Variants in ARHGEF28 observed in about 807,000 individuals in gnomAD.
The protein encoded by ARHGEF28 is Rho guanine nucleotide exchange factor 28, also known as 190 kDa guanine nucleotide exchange factor.
Under a neutral mutation model 206.6 loss-of-function variants are expected in ARHGEF28, and 152 were observed. That is an observed-to-expected ratio of 0.74 (90% CI 0.64 to 0.84). The LOEUF is 0.84. Ranked by LOEUF, ARHGEF28 falls within the 40% of genes least tolerant of loss-of-function variation. ARHGEF28 has a pLI of 0.00. For missense variants in ARHGEF28, 2,028 were observed against 2,073.2 expected (o/e 0.98, Z 0.42); for synonymous variants, 763 against 776.4 (o/e 0.98, Z 0.29).
intron 2 of ARHGEF28, among the ~76,000 whole-genome samples, chr5:73,690,317 A>G (rs1747733742): frequency 6.6e-6 from 1 of 152,030 alleles, no homozygotes. Context: ...AGTTTTCTCT[A>G]CATTTTGTAA....
At chr5:73,815,955 T>A (rs1030111287) in intron 9 of ARHGEF28, among the ~76,000 whole-genome samples, 2 of 152,170 alleles carry the variant, frequency 1.3e-5, no homozygotes, top group African/African-American at 4.8e-5. Flanking sequence ...ATCATGGTGA[T>A]TTAGTTATGA....
chr5:73,926,214 A>G (rs1763793144), intron 35 of ARHGEF28, among the ~76,000 whole-genome samples: 1 of 152,220 alleles, frequency 6.6e-6, no homozygotes, highest in South Asian at 2.1e-4. Context: ...AACTGAGAAA[A>G]AATGAATGCT....
chr5:73,648,640 T>C (rs1024943107), intron 1 of ARHGEF28, among the ~76,000 whole-genome samples: 1 of 152,354 alleles, frequency 6.6e-6, no homozygotes, highest in East Asian at 1.9e-4. Flanking sequence ...GTCTCTCACA[T>C]GCCTGGCCTT....
At chr5:73,711,743 C>G (rs547267884) in intron 2 of ARHGEF28, among the ~76,000 whole-genome samples, 9 of 151,898 alleles carry the variant, frequency 5.9e-5, no homozygotes, top group Non-Finnish European at 1.0e-4. Flanking sequence ...AGATGATAAT[C>G]TCTGTATTTT....
At chr5:73,748,017 T>C (rs1751824359) in intron 2 of ARHGEF28, among the ~76,000 whole-genome samples, 1 of 152,190 alleles carries the variant, frequency 6.6e-6, no homozygotes, top group Admixed American at 6.5e-5. Flanking sequence ...TTTATATAAT[T>C]TGTTTTTTTA....
intron 1 of ARHGEF28, among the ~76,000 whole-genome samples, chr5:73,669,254 T>C (rs936003073): frequency 6.6e-6 from 1 of 152,188 alleles, no homozygotes; most frequent in Non-Finnish European, 1.5e-5. Context: ...AGCAAACTCA[T>C]TGGAAAATGT....
At chr5:73,645,908 G>A (rs1419099219) in intron 1 of ARHGEF28, among the ~76,000 whole-genome samples, 5 of 151,818 alleles carry the variant, frequency 3.3e-5, no homozygotes, top group African/African-American at 1.2e-4. Flanking sequence ...TCTGTGGTCA[G>A]TGGGTAACTA....
chr5:73,671,021 G>C (rs1427211830), intron 1 of ARHGEF28, among the ~76,000 whole-genome samples: 1 of 151,944 alleles, frequency 6.6e-6, no homozygotes, highest in Non-Finnish European at 1.5e-5. Flanking sequence ...ACGGGCCCTT[G>C]AGAATCCGAT....
In ARHGEF28 at chr5:73,750,001, G is replaced by A. The variant is rs1561377328; in HGVS notation, c.181+17G>A. The A allele has an allele frequency of 6.2e-7, 1 of 1,611,402 alleles. No homozygotes were observed. The highest frequency in any genetic ancestry group is 2.2e-5 in the East Asian group (1 of 44,832). ...GCGTCCCAGGTGAGGTGTCCTCTTT[G>A]TTGTGCAGCTGGGAAATTAGTCTGC... On this transcript the variant is annotated intron_variant, in intron 3 of 35. Coordinates refer to ENST00000513042, the MANE Select transcript of ARHGEF28 (RefSeq NM_001177693.2).
At chr5:73,845,066 G>A (rs984917677) in intron 11 of ARHGEF28, among the ~76,000 whole-genome samples, 4 of 135,608 alleles carry the variant, frequency 2.9e-5, no homozygotes, top group African/African-American at 1.1e-4. Flanking sequence ...TGCCCAGGCT[G>A]GAGTGCAGTG....
chr5:73,772,655 G>C (rs2112444932), intron 4 of ARHGEF28, among the ~76,000 whole-genome samples: 1 of 152,318 alleles, frequency 6.6e-6, no homozygotes, highest in South Asian at 2.1e-4. Context: ...CTGGGATTAA[G>C]GCATTAGCCA....
chr5:73,913,864 T>C (rs1763056887), intron 35 of ARHGEF28, among the ~76,000 whole-genome samples: 1 of 152,236 alleles, frequency 6.6e-6, no homozygotes, highest in Non-Finnish European at 1.5e-5. Flanking sequence ...CACTCTTTCA[T>C]TGTTAGGCCA....
At chr5:73,789,166 C>CCTAT in intron 7 of ARHGEF28, among the ~76,000 whole-genome samples, 1 of 152,110 alleles carries the variant, frequency 6.6e-6, no homozygotes, top group East Asian at 1.9e-4. Context: ...GTAGATACCT[C>CCTAT]CTATCTATCT....
intron 27 of ARHGEF28, among the ~76,000 whole-genome samples, chr5:73,892,473 C>T (rs1412081648): frequency 6.6e-6 from 1 of 152,222 alleles, no homozygotes. Context: ...CGGGCCTCCC[C>T]TCCTCCATGA....
intron 29 of ARHGEF28, among the ~76,000 whole-genome samples, chr5:73,897,746 A>G (rs1762037264): frequency 1.3e-5 from 2 of 152,240 alleles, no homozygotes; most frequent in African/African-American, 4.8e-5. Context: ...TGGGTTTTGT[A>G]AATCACACAG....
At chr5:73,923,215 C>T in intron 35 of ARHGEF28, 1 of 1,466,220 alleles carries the variant, frequency 6.8e-7, no homozygotes, top group Non-Finnish European at 9.1e-7. Context: ...CTCCACTCAA[C>T]TACCTACATA....
At chr5:73,933,404 T>G (rs1764242971) in intron 35 of ARHGEF28, among the ~76,000 whole-genome samples, 1 of 152,240 alleles carries the variant, frequency 6.6e-6, no homozygotes, top group Non-Finnish European at 1.5e-5. Context: ...TGTATCTTTC[T>G]AAATAGATAT....
chr5:73,917,237 G>T (rs1432907280), intron 35 of ARHGEF28, among the ~76,000 whole-genome samples: 3 of 152,176 alleles, frequency 2.0e-5, no homozygotes, highest in Non-Finnish European at 2.9e-5. Flanking sequence ...ATTATTCAGA[G>T]ATATATATAG....
intron 7 of ARHGEF28, 83 bp from the exon 8 acceptor site, chr5:73,794,319 C>A: frequency 1.7e-6 from 2 of 1,171,976 alleles, no homozygotes; most frequent in South Asian, 1.4e-5. Flanking sequence ...CTGGGCAACT[C>A]ATTTACACTT....
Sources: allele counts gnomAD v4.1 joint callset (sites outside exome capture counted in the v4.1 genomes callset), GRCh38; gene constraint gnomAD v4.1.1; transcripts MANE v1.5; gene names NCBI Gene and HGNC (gene_info 2026-07-23, HGNC 2026-07-21).